The following GNE variants were observed in gnomAD, a reference collection of about 807,000 sequenced individuals.
GNE encodes glucosamine (UDP-N-acetyl)-2-epimerase/N-acetylmannosamine kinase.
Under a neutral mutation model 61.8 loss-of-function variants are expected in GNE, and 41 were observed. The observed-to-expected ratio is 0.66, with a 90% CI of 0.52 to 0.86. The LOEUF is 0.86. Ranked by LOEUF, GNE falls within the 40% of genes least tolerant of loss-of-function variation. The pLI, the probability that GNE is intolerant of heterozygous loss-of-function variation, is 0.00. For missense variants in GNE, 608 were observed against 909.1 expected (o/e 0.67, Z 4.26); for synonymous variants, 264 against 326.4 (o/e 0.81, Z 2.06).
At chr9:36,266,585 T>A (rs12378877) in intron 1 of GNE, among the ~76,000 whole-genome samples, 22,995 of 151,214 alleles carry the variant, frequency 0.15, 2,188 homozygotes, top group Non-Finnish European at 0.21. Flanking sequence ...ACCAGCCTGG[T>A]CAACACGGTG....
chr9:36,223,967 G>A (rs970483550), intron 7 of GNE, among the ~76,000 whole-genome samples: 4 of 151,836 alleles, frequency 2.6e-5, no homozygotes, highest in Non-Finnish European at 5.9e-5. Flanking sequence ...GCCCAGGCTG[G>A]TCTCAAACTC....
chr9:36,269,129 CAA>C (rs397776335), intron 1 of GNE, among the ~76,000 whole-genome samples: 12 of 83,876 alleles, frequency 1.4e-4, no homozygotes, highest in Admixed American at 1.4e-4. Flanking sequence ...GACTCCGTCT[CAA>C]AAAAAAAAAA....
intron 7 of GNE, among the ~76,000 whole-genome samples, chr9:36,226,069 T>C (rs1828850082): frequency 6.6e-6 from 1 of 152,226 alleles, no homozygotes; most frequent in Admixed American, 6.5e-5. Context: ...TTTCTTTTCT[T>C]CTTGATTTCA....
At chr9:36,228,129 A>C (rs1828977441) in intron 6 of GNE, among the ~76,000 whole-genome samples, 1 of 151,816 alleles carries the variant, frequency 6.6e-6, no homozygotes, top group African/African-American at 2.4e-5. Context: ...GTTGTACACA[A>C]TAAATACATA....
chr9:36,233,908 A>C lies in GNE; in HGVS notation c.982+12T>G, dbSNP rs139054499. Reference sequence around the variant, plus strand: ...AAGCCTAGTCAGTTGAAGTATGAGCAAAGGTAAATACCTGTTTCTCTTCCA... The same window carrying C: ...AAGCCTAGTCAGTTGAAGTATGAGCCAAGGTAAATACCTGTTTCTCTTCCA... On this transcript the variant is annotated intron_variant, in intron 5 of 11. Transcript: ENST00000642385. The C allele has an allele frequency of 1.2e-6, 2 of 1,600,888 alleles. No homozygotes were observed. Among genetic ancestry groups the C allele is most frequent in the African/African-American group, 1.3e-5 (1 of 74,804 alleles).
chr9:36,222,894 C>A lies in GNE; in HGVS notation c.1516G>T (p.Asp506Tyr), dbSNP rs1304108749. The change falls in exon 9 of 12, where the codon GAC becomes TAC. Residue 506 changes from aspartate to tyrosine, a missense_variant. Transcript: ENST00000642385. The part of the protein sequence containing the change: ...NSVDLRTPLS[D>Y]TLHLPVWVDN... ...ACCCACACAGGGAGATGCAAAGTGT[C>A]AGAAAGGGGGGTCCTAAGGTCCACA... 6.2e-7 allele frequency: 1 copy of A among 1,614,036 alleles called. No homozygotes were observed. Among genetic ancestry groups the A allele is most frequent in the Non-Finnish European group, 8.5e-7 (1 of 1,180,034 alleles).
intron 1 of GNE, among the ~76,000 whole-genome samples, chr9:36,253,704 A>G (rs1185216582): frequency 6.6e-6 from 1 of 152,174 alleles, no homozygotes; most frequent in Non-Finnish European, 1.5e-5. Flanking sequence ...CAGCTTTTCA[A>G]ATATACAAAG....
intron 1 of GNE, among the ~76,000 whole-genome samples, chr9:36,269,308 C>T (rs1189979186): frequency 2.6e-5 from 4 of 151,786 alleles, no homozygotes; most frequent in African/African-American, 9.7e-5. Flanking sequence ...GCTCCTGCCC[C>T]TGCCCCTCTG....
At chr9:36,274,602 T>C (rs1242658179) in intron 1 of GNE, among the ~76,000 whole-genome samples, 1 of 152,218 alleles carries the variant, frequency 6.6e-6, no homozygotes, top group Non-Finnish European at 1.5e-5. Context: ...CCAACTTCTC[T>C]GACTCATACT....
At chr9:36,256,122 T>G (rs1300362335) in intron 1 of GNE, among the ~76,000 whole-genome samples, 1 of 152,122 alleles carries the variant, frequency 6.6e-6, no homozygotes, top group Non-Finnish European at 1.5e-5. Flanking sequence ...AGGTGGGGTT[T>G]CACCATGTTG....
chr9:36,226,379 TC>T (rs1005866885), intron 7 of GNE, among the ~76,000 whole-genome samples: 1 of 151,812 alleles, frequency 6.6e-6, no homozygotes, highest in Non-Finnish European at 1.5e-5. Context: ...AAACAGGGTT[TC>T]ACCATGTTGT....
At chr9:36,239,874 T>C (rs980280912) in intron 3 of GNE, among the ~76,000 whole-genome samples, 2 of 151,962 alleles carry the variant, frequency 1.3e-5, no homozygotes, top group African/African-American at 4.8e-5. Flanking sequence ...TATATTTCAT[T>C]TTATTATTTT....
At chr9:36,221,153 T>A (rs750947648) in intron 9 of GNE, among the ~76,000 whole-genome samples, 26 of 152,234 alleles carry the variant, frequency 1.7e-4, no homozygotes, top group Middle Eastern at 6.8e-3. Flanking sequence ...AAACCTTGTC[T>A]CTACTAAAAA....
At chr9:36,265,698 G>C (rs1210824975) in intron 1 of GNE, 4 of 309,240 alleles carry the variant, frequency 1.3e-5, no homozygotes, top group Non-Finnish European at 2.6e-5. Context: ...TTTTTCCATG[G>C]GAAGTGGGGG....
intron 1 of GNE, among the ~76,000 whole-genome samples, chr9:36,255,953 C>G (rs761941483): frequency 1.3e-5 from 2 of 152,210 alleles, no homozygotes; most frequent in East Asian, 1.9e-4. Flanking sequence ...GAGACAGGGT[C>G]TCACTCTGTT....
intron 3 of GNE, among the ~76,000 whole-genome samples, chr9:36,238,123 TAC>T (rs201513947): frequency 0.15 from 19,197 of 128,940 alleles, 1,232 homozygotes; most frequent in Non-Finnish European, 0.17. Context: ...TATATATAGA[TAC>T]ACACACACAC....
At position 36,248,125 on chromosome 9, in the gene GNE, G is replaced by C. The variant is rs1397210111; in HGVS notation, c.164+1067C>G. On this transcript the variant is annotated intron_variant, in intron 2 of 11. Coordinates refer to ENST00000642385, the MANE Select transcript of GNE (RefSeq NM_005476.7). ...TTTCCTAGTAGCGAATTCCCACCTT[G>C]TTTTTAAAGAATAGTCTGAAAAGGA... Among the ~76,000 whole-genome samples the C allele has an allele frequency of 2.0e-5, 3 of 151,116 alleles. No homozygotes were observed. The East Asian group carries it at 5.8e-4, about 29-fold the overall frequency.
At chr9:36,257,585 C>CCT (rs1830412074) in intron 1 of GNE, among the ~76,000 whole-genome samples, 2 of 151,426 alleles carry the variant, frequency 1.3e-5, no homozygotes, top group South Asian at 2.1e-4. Context: ...GGGCGGATCA[C>CCT]GAGGTCAGGA....
In GNE at chr9:36,215,616, A is replaced by T. The variant is rs1427284390; in HGVS notation, c.*1749T>A. 2.6e-5 allele frequency: 4 copies of T among 152,226 alleles called. No homozygotes were observed. Among genetic ancestry groups the T allele is most frequent in the Admixed American group, 1.3e-4 (2 of 15,284 alleles). The allele number at this position is 152,226 out of a possible 1,614,324, so 9.4% of individuals were successfully genotyped here. A position where few individuals can be genotyped will look rare whatever the true frequency, so the allele number is the denominator to read the frequency against. ...ACACACCAAGTTCTATAAAATAAAA[A>T]TTAAAACACCTACCTCATATGTTGA... On this transcript the variant is annotated 3_prime_UTR_variant, in exon 12 of 12. Transcript: ENST00000642385.
Sources: gnomAD v4.1 joint callset for allele counts (sites outside exome capture counted in the v4.1 genomes callset) on GRCh38, gnomAD v4.1.1 for gene constraint, MANE v1.5 for transcripts, NCBI Gene and HGNC (gene_info 2026-07-23, HGNC 2026-07-21) for gene names.